The following FREM1 variants were observed in gnomAD, a reference collection of about 807,000 sequenced individuals.
FREM1 encodes FRAS1 related extracellular matrix 1.
In FREM1, 220 loss-of-function variants were observed where a neutral mutation model predicts 210.1. That is an observed-to-expected ratio of 1.05 (90% CI 0.94 to 1.17). The LOEUF (loss-of-function observed/expected upper bound fraction) is 1.17. Ranked by LOEUF, FREM1 falls within the 50% of genes most tolerant of loss-of-function variation. The probability of loss-of-function intolerance (pLI) is 0.00; values close to 1 mark genes in which losing one functional copy is unlikely to be tolerated. For synonymous variants in FREM1, 1,189 were observed against 980.2 expected, an observed-to-expected ratio of 1.21 and a Z score of -3.98; for missense variants, 3,454 against 2,675.5, an observed-to-expected ratio of 1.29 and a Z score of -6.42.
At chr9:14,740,539 T>A (rs1452820111) in intron 35 of FREM1, among the ~76,000 whole-genome samples, 1 of 152,200 alleles carries the variant, frequency 6.6e-6, no homozygotes, top group Non-Finnish European at 1.5e-5. Context: ...TGCCTACTTA[T>A]AACAATTACT....
chr9:14,856,556 T>C (rs1480480659), intron 5 of FREM1, among the ~76,000 whole-genome samples: 2 of 152,176 alleles, frequency 1.3e-5, no homozygotes, highest in East Asian at 1.9e-4. Flanking sequence ...TCTTGGATCA[T>C]CTTTCCTCAG....
Position 14,892,241 on chromosome 9 carries a change from T to G in FREM1, c.-268+17673A>C, listed in dbSNP as rs1836945763. Among the ~76,000 whole-genome samples the G allele has an allele frequency of 4.6e-5, 7 of 152,124 alleles. No homozygotes were observed. In the South Asian group the frequency reaches 1.5e-3, roughly 32 times the overall value. On this transcript the variant is annotated intron_variant, in intron 1 of 36. Transcript: ENST00000380880. ...AAGTGGTGGGATCCAGTAACATTAT[T>G]CTGCAAACCCCAAAGGGATGATACT...
chr9:14,785,421 T>A (rs1850268184), intron 23 of FREM1, among the ~76,000 whole-genome samples: 1 of 152,246 alleles, frequency 6.6e-6, no homozygotes, highest in Non-Finnish European at 1.5e-5. Flanking sequence ...AATATTCCAG[T>A]CCTTCAATTG....
intron 25 of FREM1, chr9:14,774,000 A>G (rs777710149): frequency 4.4e-5 from 21 of 476,866 alleles, no homozygotes; most frequent in Non-Finnish European, 6.6e-5. Context: ...AGGGAAAGTG[A>G]CTAAGATCAA....
At chr9:14,819,080 C>A (rs921004026) in intron 14 of FREM1, among the ~76,000 whole-genome samples, 154 bp downstream of exon 14, 1 of 152,064 alleles carries the variant, frequency 6.6e-6, no homozygotes, top group Non-Finnish European at 1.5e-5. Flanking sequence ...AAAAATTGAT[C>A]ATTTGTAATT....
chr9:14,857,036 C>T (rs933862771), intron 5 of FREM1, among the ~76,000 whole-genome samples: 15 of 152,028 alleles, frequency 9.9e-5, no homozygotes, highest in East Asian at 1.9e-4. Flanking sequence ...GATTGGAAGA[C>T]GCAGGAGGTC....
At chr9:14,748,363 A>T (rs1296108601) in intron 31 of FREM1, 38 bp downstream of exon 31, 2 of 1,135,190 alleles carry the variant, frequency 1.8e-6, no homozygotes, top group Non-Finnish European at 2.6e-6. Context: ...TTTAATATGT[A>T]TTTTGCACAT....
chr9:14,874,142 C>T (rs1833244955), intron 1 of FREM1, among the ~76,000 whole-genome samples: 1 of 152,146 alleles, frequency 6.6e-6, no homozygotes, highest in Admixed American at 6.5e-5. Context: ...AATGTATATT[C>T]TGTTGATTTG....
rs931199696 is a variant in FREM1, at chr9:14,829,886, A to C, written c.1882-4894T>G. ...TCCAGGAGAGAGTAATATTAGAAGA[A>C]AAAGGGAGAATAAAAATAAGGATAG... On this transcript the variant is annotated intron_variant, in intron 10 of 36. Transcript: ENST00000380880. Among the ~76,000 whole-genome samples, 5 of 152,182 alleles carry C rather than the reference A, an allele frequency of 3.3e-5. No homozygotes were observed. The South Asian group carries it at 1.0e-3, about 32-fold the overall frequency.
At position 14,862,552 on chromosome 9, in the gene FREM1, C is replaced by T. The variant is rs574709155; in HGVS notation, c.329+1257G>A. On this transcript the variant is annotated intron_variant, in intron 3 of 36. Transcript: ENST00000380880. ...AAGTTCATCTTTTAAAAATATACAA[C>T]TCAGAGTTTTTTAGTGTAGTCCCAA... Among the ~76,000 whole-genome samples the T allele has an allele frequency of 3.9e-5, 6 of 152,294 alleles. No homozygotes were observed. The South Asian group carries it at 1.2e-3, about 32-fold the overall frequency.
At chr9:14,763,373 A>G (rs1273210055) in intron 27 of FREM1, among the ~76,000 whole-genome samples, 1 of 152,192 alleles carries the variant, frequency 6.6e-6, no homozygotes, top group East Asian at 1.9e-4. Flanking sequence ...AACTTCTTCC[A>G]TATGCGGTTT....
chr9:14,879,928 C>A (rs952069672), intron 1 of FREM1, among the ~76,000 whole-genome samples: 1 of 152,046 alleles, frequency 6.6e-6, no homozygotes, highest in Non-Finnish European at 1.5e-5. Context: ...GAGGGGGGTG[C>A]TATGTCTAGA....
At chr9:14,887,756 TC>T (rs1170210776) in intron 1 of FREM1, among the ~76,000 whole-genome samples, 1 of 152,200 alleles carries the variant, frequency 6.6e-6, no homozygotes, top group African/African-American at 2.4e-5. Context: ...TTCCTATGCA[TC>T]TTTTCGTTTA....
chr9:14,764,432 C>T (rs369546021), intron 27 of FREM1, among the ~76,000 whole-genome samples: 1 of 152,120 alleles, frequency 6.6e-6, no homozygotes, highest in Admixed American at 6.6e-5. Flanking sequence ...TTTCTCTAGC[C>T]CTGACTTATT....
At chr9:14,820,396 G>C (rs1199759467) in intron 13 of FREM1, among the ~76,000 whole-genome samples, 2 of 152,204 alleles carry the variant, frequency 1.3e-5, no homozygotes, top group African/African-American at 2.4e-5. Flanking sequence ...CTGTCCATGG[G>C]AGGATGCAGC....
Position 14,813,075 on chromosome 9 carries a change from G to GA in FREM1, c.2641-12dup, listed in dbSNP as rs777322693. On this transcript the variant is annotated splice_polypyrimidine_tract_variant and intron_variant, in intron 15 of 36. Coordinates refer to ENST00000380880, the MANE Select transcript of FREM1 (RefSeq NM_001379081.2). ...GTTGACAGGGAATACCTAGGCAATG[G>GA]AAAAAATGCATGTTTTCAGAAAAAG... 15 of 1,581,838 alleles carry GA rather than the reference G, an allele frequency of 9.5e-6. No homozygotes were observed. In the Admixed American group the frequency reaches 2.0e-4, roughly 21 times the overall value.
chr9:14,906,061 C>T (rs1817645247), intron 1 of FREM1, among the ~76,000 whole-genome samples: 1 of 152,128 alleles, frequency 6.6e-6, no homozygotes, highest in Non-Finnish European at 1.5e-5. Flanking sequence ...AAGTCGCTTG[C>T]CATGTTTGTT....
At chr9:14,867,571 A>G (rs1471929431) in intron 2 of FREM1, among the ~76,000 whole-genome samples, 1 of 152,244 alleles carries the variant, frequency 6.6e-6, no homozygotes, top group African/African-American at 2.4e-5. Context: ...GAATGGGTCT[A>G]TAACTTGAAG....
intron 1 of FREM1, among the ~76,000 whole-genome samples, chr9:14,891,426 G>C (rs992284680): frequency 6.6e-6 from 1 of 152,174 alleles, no homozygotes; most frequent in Admixed American, 6.5e-5. Context: ...ATAAACTAAT[G>C]ATTCAAAACA....
Sources: gnomAD v4.1 joint callset for allele counts (sites outside exome capture counted in the v4.1 genomes callset) on GRCh38, gnomAD v4.1.1 for gene constraint, MANE v1.5 for transcripts, NCBI Gene and HGNC (gene_info 2026-07-23, HGNC 2026-07-21) for gene names.